Variants in NRXN1 observed in about 807,000 individuals in gnomAD.
NRXN1 encodes neurexin-1.
Under a neutral mutation model 150.9 loss-of-function variants are expected in NRXN1, and 39 were observed. That is an observed-to-expected ratio of 0.26 (90% confidence interval 0.20 to 0.34). The LOEUF (loss-of-function observed/expected upper bound fraction) is 0.34. Among genes scored for constraint, NRXN1 ranks in the 10% least tolerant of loss-of-function variants. The pLI, the probability that NRXN1 is intolerant of heterozygous loss-of-function variation, is 1.00. For synonymous variants in NRXN1, 924 were observed against 757.0 expected (o/e 1.22, Z -3.62); for missense variants, 1,815 against 1,949.9 (o/e 0.93, Z 1.30).
intron 13 of NRXN1, among the ~76,000 whole-genome samples, chr2:50,504,140 T>C (rs1476523941): frequency 8.9e-6 from 1 of 112,426 alleles, no homozygotes; most frequent in African/African-American, 3.7e-5. Flanking sequence ...ACATGACAAC[T>C]AAAAAAAAAA....
intron 18 of NRXN1, among the ~76,000 whole-genome samples, chr2:50,235,043 C>G (rs1308475076): frequency 2.0e-5 from 3 of 152,068 alleles, no homozygotes; most frequent in Admixed American, 6.6e-5. Flanking sequence ...AACACAGCCC[C>G]TTGTGATTTG....
chr2:50,230,157 G>C (rs974167920), intron 18 of NRXN1, among the ~76,000 whole-genome samples: 3 of 152,010 alleles, frequency 2.0e-5, no homozygotes, highest in Non-Finnish European at 4.4e-5. Context: ...GAGGTGAAAA[G>C]ATCCAGGACC....
chr2:50,463,814 T>C (rs1244205744), intron 17 of NRXN1, among the ~76,000 whole-genome samples: 1 of 151,722 alleles, frequency 6.6e-6, no homozygotes, highest in Non-Finnish European at 1.5e-5. Context: ...GCAGAAAAAG[T>C]TCTTTAGCAA....
intron 21 of NRXN1, among the ~76,000 whole-genome samples, chr2:49,985,027 A>C (rs1680665634): frequency 6.6e-6 from 1 of 152,242 alleles, no homozygotes; most frequent in South Asian, 2.1e-4. Flanking sequence ...AGAATGGGGC[A>C]GTGAAATCAG....
chr2:50,538,851 A>C (rs531433955), intron 9 of NRXN1, among the ~76,000 whole-genome samples: 63 of 152,278 alleles, frequency 4.1e-4, no homozygotes, highest in African/African-American at 1.5e-3. Flanking sequence ...GTTCCATTTG[A>C]ACTCGAGAAT....
At chr2:50,823,823 G>A (rs1320735514) in intron 5 of NRXN1, among the ~76,000 whole-genome samples, 1 of 152,152 alleles carries the variant, frequency 6.6e-6, no homozygotes, top group East Asian at 1.9e-4. Flanking sequence ...AGAGATTTAT[G>A]AGTGTGATCA....
chr2:50,568,429 C>G (rs1392276760), intron 8 of NRXN1, among the ~76,000 whole-genome samples: 4 of 151,880 alleles, frequency 2.6e-5, no homozygotes, highest in African/African-American at 9.7e-5. Flanking sequence ...ATGCAGAAGT[C>G]CAAACAACTA....
intron 21 of NRXN1, among the ~76,000 whole-genome samples, chr2:49,984,332 A>G (rs1680534698): frequency 6.6e-6 from 1 of 152,212 alleles, no homozygotes; most frequent in Non-Finnish European, 1.5e-5. Context: ...CCTTCATTCT[A>G]GTAAAATCAC....
chr2:49,932,947 G>A (rs540373116), intron 22 of NRXN1, among the ~76,000 whole-genome samples: 13 of 152,212 alleles, frequency 8.5e-5, no homozygotes, highest in Middle Eastern at 3.4e-3. Context: ...GTCTGTCTAT[G>A]GCTACTAATA....
At chr2:50,580,429 TTAAC>T (rs527656382) in intron 8 of NRXN1, among the ~76,000 whole-genome samples, 230 of 152,334 alleles carry the variant, frequency 1.5e-3, no homozygotes, top group African/African-American at 5.4e-3. Context: ...TTGGTGTTAA[TTAAC>T]TAAGGTCTGA....
intron 21 of NRXN1, among the ~76,000 whole-genome samples, chr2:49,963,264 T>C (rs755794647): frequency 6.6e-6 from 1 of 152,222 alleles, no homozygotes; most frequent in African/African-American, 2.4e-5. Context: ...GCTGGTGACT[T>C]AGAAATTTTA....
chr2:50,388,460 C>T (rs531556056), intron 17 of NRXN1, among the ~76,000 whole-genome samples: 46 of 152,162 alleles, frequency 3.0e-4, no homozygotes, highest in African/African-American at 6.7e-4. Flanking sequence ...CTTTCATAGC[C>T]ACTTGGAACA....
chr2:49,990,863 G>A (rs1681817173), intron 21 of NRXN1, among the ~76,000 whole-genome samples: 1 of 152,096 alleles, frequency 6.6e-6, no homozygotes, highest in Non-Finnish European at 1.5e-5. Flanking sequence ...TTAATCTCCA[G>A]TTGGGGTTTG....
At chr2:50,754,202 T>C (rs202221122) in intron 5 of NRXN1, among the ~76,000 whole-genome samples, 1 of 151,898 alleles carries the variant, frequency 6.6e-6, no homozygotes, top group Non-Finnish European at 1.5e-5. Flanking sequence ...ATCAAACCTA[T>C]GTGAGAGATC....
chr2:50,600,170 T>C (rs1676007361), intron 8 of NRXN1, among the ~76,000 whole-genome samples: 1 of 152,124 alleles, frequency 6.6e-6, no homozygotes, highest in South Asian at 2.1e-4. Flanking sequence ...AGGATGCACA[T>C]AATGTATCAT....
intron 5 of NRXN1, among the ~76,000 whole-genome samples, chr2:50,664,777 TA>T (rs574100304): frequency 0.03 from 4,023 of 134,972 alleles, 170 homozygotes; most frequent in African/African-American, 0.098. Context: ...TTAACATTCC[TA>T]AAAAAAAAAA....
chr2:50,098,507 A>G (rs774821517), intron 18 of NRXN1, among the ~76,000 whole-genome samples: 1 of 152,114 alleles, frequency 6.6e-6, no homozygotes, highest in African/African-American at 2.4e-5. Flanking sequence ...TCTACCTTCT[A>G]TCTCTCCTTT....
In NRXN1 at chr2:50,547,777, A is replaced by G. The variant is rs570166171; in HGVS notation, c.1759+4810T>C. ...TTCTCCTTTGCTAGCTTACTGCAGG[A>G]TCTGGAAGTGCCATTTACGGCTCAG... On this transcript the variant is annotated intron_variant, in intron 9 of 22. Coordinates refer to ENST00000401669, the MANE Select transcript of NRXN1 (RefSeq NM_001330078.2). Among the ~76,000 whole-genome samples, 37 of 152,256 alleles carry G rather than the reference A, an allele frequency of 2.4e-4. No individual in the cohort carries two copies. In the South Asian group the frequency reaches 7.7e-3, roughly 32 times the overall value.
intron 2 of NRXN1, among the ~76,000 whole-genome samples, chr2:50,996,766 C>G (rs1699360214): frequency 1.3e-5 from 2 of 151,958 alleles, no homozygotes; most frequent in Non-Finnish European, 2.9e-5. Flanking sequence ...TCAACAGCCA[C>G]TCTAACCTCC....
Sources: gnomAD v4.1 joint callset for allele counts (sites outside exome capture counted in the v4.1 genomes callset) on GRCh38, gnomAD v4.1.1 for gene constraint, MANE v1.5 for transcripts, NCBI Gene and HGNC (gene_info 2026-07-23, HGNC 2026-07-21) for gene names.